VPS13D: variants seen among roughly 807,000 people sequenced by gnomAD.
VPS13D encodes intermembrane lipid transfer protein VPS13D.
VPS13D carries 187 observed loss-of-function variants against 461.9 expected under a neutral mutation model. The ratio of observed to expected loss-of-function variants is 0.40; its 90% CI spans 0.36 to 0.46. The LOEUF is 0.46. VPS13D is among the 20% of genes least tolerant of loss of function. The pLI is 0.60. For missense variants in VPS13D, 4,711 were observed against 5,364.9 expected (o/e 0.88, Z 3.81); for synonymous variants, 1,951 against 1,986.3 (o/e 0.98, Z 0.47).
In VPS13D at chr1:12,279,779, C is replaced by T; in HGVS notation, c.4602+129C>T. 3.6e-6 allele frequency: 3 copies of T among 841,834 alleles called. No homozygotes were observed. The highest frequency in any genetic ancestry group is 3.1e-5 in the East Asian group (1 of 32,154). The allele number at this position is 841,834 out of a possible 1,614,324, so 52.1% of individuals were successfully genotyped here. A position where few individuals can be genotyped will look rare whatever the true frequency, so the allele number is the denominator to read the frequency against. ...AAAGATATATCACCCATGCATAATA[C>T]CATTGTTGAAACCTTGTTCCAATAA... On this transcript the variant is annotated intron_variant, in intron 20 of 69. Transcript: ENST00000620676. The surrounding 1 kb of genome is among the most constrained non-coding windows in gnomAD (Gnocchi z 4.3).
chr1:12,463,630 C>T (rs558884264), intron 67 of VPS13D, among the ~76,000 whole-genome samples: 4 of 152,080 alleles, frequency 2.6e-5, no homozygotes, highest in South Asian at 4.2e-4. Flanking sequence ...TGGTGTGCAC[C>T]TCTGGTCCTT....
chr1:12,319,349 G>A, intron 31 of VPS13D, 148 bp from the exon 32 acceptor site: 2 of 1,104,356 alleles, frequency 1.8e-6, no homozygotes, highest in East Asian at 2.4e-5. Flanking sequence ...GGATGACACT[G>A]TTAGTAAATG....
At chr1:12,289,041 T>G (rs1271036381) in intron 22 of VPS13D, among the ~76,000 whole-genome samples, 2 of 152,074 alleles carry the variant, frequency 1.3e-5, no homozygotes, top group African/African-American at 4.8e-5. Context: ...AGTGTTTCAC[T>G]GTGTTGGCCA....
intron 22 of VPS13D, among the ~76,000 whole-genome samples, chr1:12,289,062 G>T (rs185008310): frequency 1.8e-4 from 28 of 152,062 alleles, no homozygotes; most frequent in African/African-American, 6.5e-4. Flanking sequence ...GGCTATTCTC[G>T]AACTCCTGAC....
chr1:12,403,839 G>C lies in VPS13D; in HGVS notation c.11896G>C (p.Asp3966His). The stretch of plus-strand genomic sequence containing the variant: ...CTTTGTACCAGAGGTGGAAAAATAT[G>C]ATGAAAACCTCCATGAAAAGACAGC... ...DQAESEVEKY[D>H]ENLHEKTAEQ... Residue 3966 changes from aspartate (D) to histidine (H), a missense_variant, in exon 63 of 70, where the codon GAT (aspartate) becomes CAT (histidine). Coordinates refer to ENST00000620676, the MANE Select transcript of VPS13D (RefSeq NM_015378.4). 1 of 1,598,898 alleles carries C rather than the reference G, an allele frequency of 6.3e-7. No homozygotes were observed. Among genetic ancestry groups the C allele is most frequent in the Non-Finnish European group, 8.5e-7 (1 of 1,175,662 alleles).
chr1:12,267,930 C>T lies in VPS13D; in HGVS notation c.1801+10C>T, dbSNP rs1308372310. On this transcript the variant is annotated intron_variant, in intron 15 of 69. Transcript: ENST00000620676. ...AGTGATCATTACCCAGGTAATTTGT[C>T]CTATGTTGTTTTTTTAAAATTTTTA... 1.9e-6 allele frequency: 3 copies of T among 1,596,912 alleles called. No homozygotes were observed. In the East Asian group the frequency reaches 6.7e-5, roughly 36 times the overall value.
intron 53 of VPS13D, among the ~76,000 whole-genome samples, chr1:12,368,933 A>T (rs541409566): frequency 3.3e-5 from 5 of 152,334 alleles, no homozygotes; most frequent in African/African-American, 4.8e-5. Flanking sequence ...GGAATGGGCA[A>T]TTCTGCTGTT....
At chr1:12,384,260 A>G (rs1644320777) in intron 58 of VPS13D, among the ~76,000 whole-genome samples, 1 of 152,166 alleles carries the variant, frequency 6.6e-6, no homozygotes, top group Non-Finnish European at 1.5e-5. Flanking sequence ...AGTCAGGCAG[A>G]TTTTGTGACT....
At position 12,322,547 on chromosome 1, in the gene VPS13D, A is replaced by T. The variant is rs1294173267; in HGVS notation, c.7716A>T (p.Gln2572His). Residue 2572 changes from glutamine to histidine, a missense_variant, in exon 34 of 70, where the codon CAA becomes CAT. By Grantham distance (24) the Gln-to-His change is conservative. This residue lies in a region of VPS13D where 4,411 missense variants were observed against 4,937.8 expected (regional missense o/e 0.89). Coordinates refer to ENST00000620676, the MANE Select transcript of VPS13D (RefSeq NM_015378.4). ...DFPPVLEIQL[Q>H]ALDIRLSYND... is the part of the protein sequence containing the mutation. Reference sequence around the variant, plus strand: ...TTACATTTTGTTAGATTCAGTTACAAGCCCTGGATATCAGACTCTCCTATA... The same window carrying T: ...TTACATTTTGTTAGATTCAGTTACATGCCCTGGATATCAGACTCTCCTATA... 4 of 1,614,052 alleles carry T rather than the reference A, an allele frequency of 2.5e-6. No homozygotes were observed. In the African/African-American group the frequency reaches 5.3e-5, roughly 22 times the overall value.
intron 40 of VPS13D, among the ~76,000 whole-genome samples, chr1:12,339,989 T>G (rs1643533714): frequency 1.3e-5 from 2 of 152,214 alleles, no homozygotes; most frequent in African/African-American, 4.8e-5. Context: ...CACATCTGGC[T>G]TCTTTTTCTC....
chr1:12,283,528 G>A lies in VPS13D; in HGVS notation c.5426G>A (p.Ser1809Asn), dbSNP rs2101386951. The stretch of plus-strand genomic sequence containing the variant: ...TCCAGTTACAATCGAGTTAACCGGA[G>A]CATTGATGTTGATTTTAATTGCTTG... ...FSSSYNRVNR[S>N]IDVDFNCLDV... The change falls in exon 21 of 70, where the codon AGC becomes AAC. Residue 1809 changes from serine to asparagine, a missense_variant. By Grantham distance (46) the Ser-to-Asn change is conservative (BLOSUM62 1). This residue lies in a region of VPS13D where 4,411 missense variants were observed against 4,937.8 expected (regional missense o/e 0.89). Coordinates refer to ENST00000620676, the MANE Select transcript of VPS13D (RefSeq NM_015378.4). The A allele has an allele frequency of 1.9e-6, 3 of 1,614,230 alleles. No individual in the cohort carries two copies. Among genetic ancestry groups the A allele is most frequent in the Non-Finnish European group, 2.5e-6 (3 of 1,180,026 alleles).
intron 30 of VPS13D, among the ~76,000 whole-genome samples, chr1:12,316,442 GA>G (rs1323907620): frequency 6.6e-6 from 1 of 152,134 alleles, no homozygotes; most frequent in African/African-American, 2.4e-5. Flanking sequence ...ATATTTTCCA[GA>G]AAAGGGATCC....
intron 68 of VPS13D, among the ~76,000 whole-genome samples, chr1:12,497,904 A>G (rs576932847): frequency 1.3e-5 from 2 of 152,244 alleles, no homozygotes; most frequent in Admixed American, 6.5e-5. Context: ...TAGTTCAAAG[A>G]GAGAAGATCA....
chr1:12,436,592 A>G (rs911350234), intron 65 of VPS13D, among the ~76,000 whole-genome samples: 1 of 152,212 alleles, frequency 6.6e-6, no homozygotes, highest in African/African-American at 2.4e-5. Context: ...TTTTGAGCCT[A>G]GTATTGTTAT....
At chr1:12,246,170 G>C (rs754255070) in intron 5 of VPS13D, among the ~76,000 whole-genome samples, 1 of 152,160 alleles carries the variant, frequency 6.6e-6, no homozygotes, top group Non-Finnish European at 1.5e-5. Flanking sequence ...GGCGTTGGTC[G>C]CTGTGAATGT....
chr1:12,510,914 T>G lies in VPS13D; in HGVS notation c.*1890T>G, dbSNP rs946981544. Reference sequence around the variant, plus strand: ...ATCAGTAACCTACTGCCTGAGATCATGATCTCTTAAAAGATGAGACTCTCG... The same window carrying G: ...ATCAGTAACCTACTGCCTGAGATCAGGATCTCTTAAAAGATGAGACTCTCG... On this transcript the variant is annotated 3_prime_UTR_variant, in exon 70 of 70. Coordinates refer to ENST00000620676, the MANE Select transcript of VPS13D (RefSeq NM_015378.4). The G allele has an allele frequency of 1.3e-5, 2 of 152,208 alleles. No homozygotes were observed. Among genetic ancestry groups the G allele is most frequent in the Non-Finnish European group, 2.9e-5 (2 of 68,036 alleles). 9.4% of individuals were successfully genotyped at this position (152,208 alleles called of 1,614,324 possible).
chr1:12,458,946 G>A (rs1645366874), intron 66 of VPS13D, among the ~76,000 whole-genome samples: 1 of 152,192 alleles, frequency 6.6e-6, no homozygotes, highest in African/African-American at 2.4e-5. Context: ...TCCATTGAGG[G>A]TCCCAGCCAG....
intron 37 of VPS13D, among the ~76,000 whole-genome samples, chr1:12,331,476 G>A (rs1019383993): frequency 6.6e-6 from 1 of 151,952 alleles, no homozygotes; most frequent in Non-Finnish European, 1.5e-5. Flanking sequence ...GGGAGGCCGA[G>A]GTGGGCGGAT....
At chr1:12,475,006 G>T (rs2100462163) in intron 67 of VPS13D, among the ~76,000 whole-genome samples, 1 of 152,114 alleles carries the variant, frequency 6.6e-6, no homozygotes, top group East Asian at 1.9e-4. Context: ...TTTTCCCAAA[G>T]GCAGTGGTGG....
Sources: gnomAD v4.1 joint callset for allele counts (sites outside exome capture counted in the v4.1 genomes callset) on GRCh38, gnomAD v4.1.1 for gene constraint, gnomAD v4.1.1 regional missense constraint, Gnocchi (gnomAD v3.1) non-coding constraint, MANE v1.5 for transcripts, NCBI Gene and HGNC (gene_info 2026-07-23, HGNC 2026-07-21) for gene names.